Variants in AAGAB observed in about 807,000 individuals in gnomAD.
The protein encoded by AAGAB is alpha- and gamma-adaptin-binding protein p34.
AAGAB carries 38 observed loss-of-function variants against 44.1 expected under a neutral mutation model. The observed-to-expected ratio is 0.86, with a 90% CI of 0.67 to 1.13. AAGAB has a LOEUF of 1.13. AAGAB is among the 50% of genes most tolerant of loss of function. The probability of loss-of-function intolerance (pLI) is 0.00; values close to 1 mark genes in which losing one functional copy is unlikely to be tolerated. For missense variants in AAGAB, 450 were observed against 373.8 expected (o/e 1.20, Z -1.68); for synonymous variants, 131 against 131.8 (o/e 0.99, Z 0.04).
intron 1 of AAGAB, among the ~76,000 whole-genome samples, chr15:67,248,582 A>T (rs1025331632): frequency 6.6e-6 from 1 of 152,250 alleles, no homozygotes; most frequent in Non-Finnish European, 1.5e-5. Flanking sequence ...ATGGTGTCAA[A>T]GCAGCACAAT....
At position 67,241,302 on chromosome 15, in the gene AAGAB, T is replaced by C. The variant is rs4368118; in HGVS notation, c.74-4482A>G. 3.9e-3 allele frequency among the ~76,000 whole-genome samples: 601 copies of C among 152,296 alleles called. 4 individuals carry two copies. The highest frequency in any genetic ancestry group is 0.014 in the African/African-American group (577 of 41,560). On this transcript the variant is annotated intron_variant, in intron 1 of 9. Transcript: ENST00000261880. ...GCAAAGTTGTCCAGTGGTTAAATCA[T>C]ATTTTCTATGCCCTGAGGGAAGTGA...
chr15:67,253,877 C>A (rs746217243), intron 1 of AAGAB, among the ~76,000 whole-genome samples: 1 of 152,160 alleles, frequency 6.6e-6, no homozygotes, highest in Non-Finnish European at 1.5e-5. Flanking sequence ...TCTTGAGTTA[C>A]CTATAATTCA....
At chr15:67,228,683 A>G (rs1964261676) in intron 5 of AAGAB, among the ~76,000 whole-genome samples, 2 of 152,236 alleles carry the variant, frequency 1.3e-5, no homozygotes, top group Non-Finnish European at 2.9e-5. Context: ...GTGTATGTTC[A>G]TCACAGCACT....
At chr15:67,234,143 C>T (rs1032080193) in intron 4 of AAGAB, among the ~76,000 whole-genome samples, 2 of 151,276 alleles carry the variant, frequency 1.3e-5, no homozygotes, top group African/African-American at 4.9e-5. Flanking sequence ...GTCCCAGCTA[C>T]TTGGGAGGCT....
chr15:67,207,155 C>G (rs1963703965), intron 7 of AAGAB, among the ~76,000 whole-genome samples: 1 of 152,222 alleles, frequency 6.6e-6, no homozygotes. Context: ...TGCCACTGCA[C>G]TCCACCCTGG....
intron 7 of AAGAB, among the ~76,000 whole-genome samples, chr15:67,205,019 A>G (rs950196559): frequency 2.0e-5 from 3 of 152,218 alleles, no homozygotes; most frequent in African/African-American, 7.2e-5. Context: ...TTTAACTTAC[A>G]TGGTTCCACT....
intron 9 of AAGAB, 139 bp from the exon 10 acceptor site, chr15:67,203,037 G>T: frequency 1.4e-6 from 1 of 721,876 alleles, no homozygotes; most frequent in Non-Finnish European, 2.5e-6. Flanking sequence ...CAGAACCCTT[G>T]AATACCATTT....
At chr15:67,206,893 A>G (rs1963696129) in intron 7 of AAGAB, among the ~76,000 whole-genome samples, 1 of 152,206 alleles carries the variant, frequency 6.6e-6, no homozygotes, top group African/African-American at 2.4e-5. Flanking sequence ...TTTAGAAAGC[A>G]AGATCTGGCC....
chr15:67,250,976 G>A (rs1349966419), intron 1 of AAGAB, among the ~76,000 whole-genome samples: 7 of 152,168 alleles, frequency 4.6e-5, no homozygotes, highest in African/African-American at 1.2e-4. Flanking sequence ...GCAGTGAGCC[G>A]AGATCGTGCC....
chr15:67,241,040 TACACACACACAC>T (rs10525823), intron 1 of AAGAB, among the ~76,000 whole-genome samples: 8 of 147,076 alleles, frequency 5.4e-5, no homozygotes, highest in African/African-American at 2.5e-5. Context: ...TCTGTTCTCC[TACACACACACAC>T]ACACACACAC....
chr15:67,240,605 T>TC (rs2140386473), intron 1 of AAGAB, among the ~76,000 whole-genome samples: 1 of 152,366 alleles, frequency 6.6e-6, no homozygotes, highest in South Asian at 2.1e-4. Context: ...CATAAACCTT[T>TC]CCTTCAGTAT....
chr15:67,213,139 G>C (rs1474795920), intron 5 of AAGAB, among the ~76,000 whole-genome samples: 1 of 152,178 alleles, frequency 6.6e-6, no homozygotes, highest in African/African-American at 2.4e-5. Context: ...GGCACAATTA[G>C]TATGTTAAAC....
chr15:67,236,423 T>C lies in AAGAB; in HGVS notation c.346A>G (p.Arg116Gly). ...LPEVMILVCD[R>G]VSEDGINRQK... is the part of the protein sequence containing the mutation. Reference sequence around the variant, plus strand: ...CAGGCCTTACCATCTTCAGACACTCTATCGCAGACCAAGATCATCACCTCA... The same window carrying C: ...CAGGCCTTACCATCTTCAGACACTCCATCGCAGACCAAGATCATCACCTCA... Residue 116 changes from arginine to glycine, a missense_variant, in exon 3 of 10, where the codon AGA becomes GGA. Coordinates refer to ENST00000261880, the MANE Select transcript of AAGAB (RefSeq NM_024666.5). 4 of 1,614,092 alleles carry C rather than the reference T, an allele frequency of 2.5e-6. No individual in the cohort carries two copies. The highest frequency in any genetic ancestry group is 3.4e-6 in the Non-Finnish European group (4 of 1,179,974).
chr15:67,251,634 T>C (rs994586758), intron 1 of AAGAB, among the ~76,000 whole-genome samples: 1 of 152,196 alleles, frequency 6.6e-6, no homozygotes, highest in Non-Finnish European at 1.5e-5. Flanking sequence ...ATAGATCAGA[T>C]GTCCAAAGAA....
chr15:67,203,624 T>C (rs1251334366), intron 8 of AAGAB, 27 bp from the exon 9 acceptor site: 1 of 1,607,168 alleles, frequency 6.2e-7, no homozygotes, highest in African/African-American at 1.3e-5. Context: ...TCTTAAGAAA[T>C]TTGTCTAATA....
At chr15:67,254,808 G>T, upstream of AAGAB, 2 of 1,434,698 alleles carry the variant, frequency 1.4e-6, no homozygotes, top group South Asian at 1.2e-5. Flanking sequence ...GTCGCGCGCG[G>T]TGTTGCCATG....
chr15:67,254,379 A>G, intron 1 of AAGAB, 180 bp downstream of exon 1: 9 of 1,393,058 alleles, frequency 6.5e-6, no homozygotes, highest in Admixed American at 2.9e-5. Flanking sequence ...CCGAGTGGGC[A>G]GAAAAGCACG....
chr15:67,255,022 A>G (rs999039916), upstream of AAGAB: 20 of 1,396,148 alleles, frequency 1.4e-5, no homozygotes, highest in South Asian at 2.0e-4. Context: ...GCGCCGATTC[A>G]CCGACGCTCA....
chr15:67,236,864 T>A, intron 1 of AAGAB, 44 bp from the exon 2 acceptor site: 1 of 1,458,318 alleles, frequency 6.9e-7, no homozygotes, highest in South Asian at 1.3e-5. Flanking sequence ...GCAAAACCAA[T>A]ATACATTGGT....
Sources: allele counts gnomAD v4.1 joint callset (sites outside exome capture counted in the v4.1 genomes callset), GRCh38; gene constraint gnomAD v4.1.1; transcripts MANE v1.5; gene names NCBI Gene and HGNC (gene_info 2026-07-23, HGNC 2026-07-21).